PDE6A: variants seen among roughly 807,000 people sequenced by gnomAD.
PDE6A encodes phosphodiesterase 6A, also known as rod cGMP-specific 3',5'-cyclic phosphodiesterase subunit alpha.
PDE6A carries 84 observed loss-of-function variants against 106.3 expected under a neutral mutation model. The ratio of observed to expected loss-of-function variants is 0.79; its 90% CI spans 0.66 to 0.95. The LOEUF is 0.95. Ranked by LOEUF, PDE6A falls within the 40% of genes least tolerant of loss-of-function variation. PDE6A has a pLI of 0.00. For missense variants in PDE6A, 1,052 were observed against 1,084.9 expected, an observed-to-expected ratio of 0.97 and a Z score of 0.43; for synonymous variants, 394 against 386.6, an observed-to-expected ratio of 1.02 and a Z score of -0.23.
At chr5:149,898,577 A>C in intron 9 of PDE6A, 71 bp from the exon 10 acceptor site, 1 of 1,492,444 alleles carries the variant, frequency 6.7e-7, no homozygotes, top group Non-Finnish European at 9.2e-7. Flanking sequence ...AACTCATAGC[A>C]AGAGTCTCTA....
intron 17 of PDE6A, among the ~76,000 whole-genome samples, chr5:149,875,418 A>C (rs1297629384): frequency 6.6e-6 from 1 of 152,194 alleles, no homozygotes; most frequent in Non-Finnish European, 1.5e-5. Context: ...TTTTAAGTTG[A>C]CATCTTAAAC....
intron 1 of PDE6A, among the ~76,000 whole-genome samples, chr5:149,935,104 G>A (rs974015141): frequency 6.6e-6 from 1 of 152,196 alleles, no homozygotes; most frequent in Non-Finnish European, 1.5e-5. Context: ...AACGACAGTT[G>A]CTAGCAGGCA....
At chr5:149,912,651 A>G (rs544584172) in intron 6 of PDE6A, among the ~76,000 whole-genome samples, 1 of 152,288 alleles carries the variant, frequency 6.6e-6, no homozygotes, top group South Asian at 2.1e-4. Context: ...CTGCCTGACT[A>G]CAACCCACCC....
intron 17 of PDE6A, among the ~76,000 whole-genome samples, chr5:149,873,284 G>C (rs1760624733): frequency 6.6e-6 from 1 of 151,992 alleles, no homozygotes; most frequent in Admixed American, 6.6e-5. Context: ...TTTATTTATG[G>C]AGACTGAAGT....
intron 7 of PDE6A, among the ~76,000 whole-genome samples, chr5:149,906,536 A>AAAAAAAAAAAAAAAAAAAAAAAAAC (rs1753195410): frequency 6.7e-6 from 1 of 149,576 alleles, no homozygotes; most frequent in Non-Finnish European, 1.5e-5. Flanking sequence ...AAAAAAAAAA[A>AAAAAAAAAAAAAAAAAAAAAAAAAC]AATCCCACCT....
chr5:149,928,332 G>A (rs968483306), intron 4 of PDE6A, among the ~76,000 whole-genome samples: 15 of 146,418 alleles, frequency 1.0e-4, no homozygotes, highest in African/African-American at 3.8e-4. Context: ...CCACCTCCCA[G>A]GTTCAGGCAA....
chr5:149,876,901 G>A (rs992168054), intron 17 of PDE6A, among the ~76,000 whole-genome samples: 2 of 150,928 alleles, frequency 1.3e-5, no homozygotes, highest in African/African-American at 5.0e-5. Flanking sequence ...GATGATGATA[G>A]ATGATGAGAG....
At chr5:149,889,406 A>G (rs1261304486) in intron 13 of PDE6A, among the ~76,000 whole-genome samples, 2 of 151,722 alleles carry the variant, frequency 1.3e-5, no homozygotes, top group South Asian at 2.1e-4. Context: ...TAAGTATTTA[A>G]CTTTCTGTAT....
chr5:149,903,498 A>T, intron 8 of PDE6A, 150 bp downstream of exon 8: 1 of 695,440 alleles, frequency 1.4e-6, no homozygotes, highest in African/African-American at 1.8e-5. Flanking sequence ...CTCTGTCCCC[A>T]TTTCCATTGG....
Position 149,911,312 on chromosome 5 carries a change from C to A in PDE6A, c.998+3631G>T, listed in dbSNP as rs183801714. Among the ~76,000 whole-genome samples the A allele has an allele frequency of 2.6e-5, 4 of 152,242 alleles. No homozygotes were observed. The East Asian group carries it at 5.8e-4, about 22-fold the overall frequency. On this transcript the variant is annotated intron_variant, in intron 6 of 21. Coordinates refer to ENST00000255266, the MANE Select transcript of PDE6A (RefSeq NM_000440.3). ...TCTATTGTCCTATTTCCCTGTCCTGCCTTACAAGAAAAGTAGCTTTAAAAT... is the reference window on the plus strand; with the variant it reads ...TCTATTGTCCTATTTCCCTGTCCTGACTTACAAGAAAAGTAGCTTTAAAAT...
chr5:149,932,631 T>C (rs1754074974), intron 3 of PDE6A: 6 of 1,613,566 alleles, frequency 3.7e-6, no homozygotes, highest in South Asian at 2.2e-5. Flanking sequence ...GCCTTCAGTA[T>C]ATTCCATTTC....
intron 21 of PDE6A, among the ~76,000 whole-genome samples, chr5:149,861,176 A>G (rs1454170001): frequency 6.6e-6 from 1 of 152,268 alleles, no homozygotes; most frequent in Non-Finnish European, 1.5e-5. Flanking sequence ...GAGGATGATG[A>G]TAAGTGAGAA....
At position 149,863,733 on chromosome 5, in the gene PDE6A, C is replaced by T. The variant is rs1760227880; in HGVS notation, c.2359-467G>A. Among the ~76,000 whole-genome samples, 1 of 152,188 alleles carries T rather than the reference C, an allele frequency of 6.6e-6. No individual in the cohort carries two copies. The highest frequency in any genetic ancestry group is 1.5e-5 in the Non-Finnish European group (1 of 68,032). On this transcript the variant is annotated intron_variant, in intron 20 of 21. Transcript: ENST00000255266. This position sits in a 1 kb window ranked among gnomAD's most constrained non-coding sequence, Gnocchi z 4.7. ...CAAACTCCTGGGCTCAACCCATCCT[C>T]CCACCTCAGCCTCCCAAGTAGCTGG...
intron 13 of PDE6A, among the ~76,000 whole-genome samples, chr5:149,887,057 G>A (rs1214732251): frequency 6.6e-6 from 1 of 152,190 alleles, no homozygotes; most frequent in Non-Finnish European, 1.5e-5. Context: ...GAAGGGCAGG[G>A]ATTTGCATCA....
rs1753888751 is a variant in PDE6A at position 149,927,190 on chromosome 5, C to A, written c.858+3838G>T. Among the ~76,000 whole-genome samples the A allele has an allele frequency of 2.6e-5, 4 of 152,042 alleles. No individual in the cohort carries two copies. In the South Asian group the frequency reaches 8.3e-4, roughly 32 times the overall value. On this transcript the variant is annotated intron_variant, in intron 4 of 21. Coordinates refer to ENST00000255266, the MANE Select transcript of PDE6A (RefSeq NM_000440.3). The stretch of plus-strand genomic sequence containing the variant: ...TAAACATAGCTAAACATAAAAAACA[C>A]AGTAAAAATAAGGTATAAAAGTTTA...
At chr5:149,938,647 T>C (rs998547394) in intron 1 of PDE6A, among the ~76,000 whole-genome samples, 3 of 152,228 alleles carry the variant, frequency 2.0e-5, no homozygotes, top group Admixed American at 2.0e-4. Context: ...CCAATGAAAT[T>C]TGAATTTCAG....
At chr5:149,912,692 C>T (rs1382088064) in intron 6 of PDE6A, among the ~76,000 whole-genome samples, 2 of 152,196 alleles carry the variant, frequency 1.3e-5, no homozygotes, top group East Asian at 3.9e-4. Context: ...CGCTAGCTGG[C>T]AGTGCACCCA....
At position 149,933,919 on chromosome 5, in the gene PDE6A, A is replaced by T. The variant is rs777704684; in HGVS notation, c.717+11T>A. 5.0e-6 allele frequency: 8 copies of T among 1,606,538 alleles called. No homozygotes were observed. In the South Asian group the frequency reaches 8.8e-5, roughly 18 times the overall value. Reference sequence around the variant, plus strand: ...CGAGTCAAGTCCATTCCCTTGGCCCAAGCCCCTTACCTGGCCACGTCGAGT... The same window carrying T: ...CGAGTCAAGTCCATTCCCTTGGCCCTAGCCCCTTACCTGGCCACGTCGAGT... On this transcript the variant is annotated intron_variant, in intron 3 of 21. Coordinates refer to ENST00000255266, the MANE Select transcript of PDE6A (RefSeq NM_000440.3).
intron 6 of PDE6A, among the ~76,000 whole-genome samples, chr5:149,907,881 C>T (rs1753251940): frequency 6.6e-6 from 1 of 152,114 alleles, no homozygotes; most frequent in Admixed American, 6.5e-5. Flanking sequence ...AAAACTTCAC[C>T]AATCATTAGG....
Sources: allele counts gnomAD v4.1 joint callset (sites outside exome capture counted in the v4.1 genomes callset), GRCh38; gene constraint gnomAD v4.1.1; non-coding constraint Gnocchi (gnomAD v3.1); transcripts MANE v1.5; gene names NCBI Gene and HGNC (gene_info 2026-07-23, HGNC 2026-07-21).